Variants in FAM135A observed in about 807,000 individuals in gnomAD.
The protein encoded by FAM135A is family with sequence similarity 135 member A.
In FAM135A, 79 loss-of-function variants were observed where a neutral mutation model predicts 146.8. That is an observed-to-expected ratio of 0.54 (90% CI 0.45 to 0.65). The LOEUF (loss-of-function observed/expected upper bound fraction) is 0.65, where lower values mean the gene tolerates loss of function less well. FAM135A is among the 30% of genes least tolerant of loss of function. The probability of loss-of-function intolerance (pLI) is 0.00; values close to 1 mark genes in which losing one functional copy is unlikely to be tolerated. For missense variants in FAM135A, 1,623 were observed against 1,758.2 expected (o/e 0.92, Z 1.38); for synonymous variants, 562 against 603.6 (o/e 0.93, Z 1.01).
intron 4 of FAM135A, among the ~76,000 whole-genome samples, chr6:70,446,956 T>G (rs914890001): frequency 6.6e-6 from 1 of 152,242 alleles, no homozygotes; most frequent in Admixed American, 6.5e-5. Flanking sequence ...CTCCATAAAT[T>G]TATAGGTACA....
chr6:70,450,716 GTTTTTTTTT>G (rs546674936), intron 4 of FAM135A, among the ~76,000 whole-genome samples: 5 of 28,320 alleles, frequency 1.8e-4, no homozygotes, highest in African/African-American at 9.5e-5. Context: ...CCTTTTAGTT[GTTTTTTTTT>G]TTTTTTTTTT....
chr6:70,555,568 T>A lies in FAM135A; in HGVS notation c.4229-1182T>A, dbSNP rs997247152. 2.7e-5 allele frequency among the ~76,000 whole-genome samples: 4 copies of A among 150,942 alleles called. No homozygotes were observed. In the East Asian group the frequency reaches 7.8e-4, roughly 30 times the overall value. Reference sequence around the variant, plus strand: ...TCGCCCAGCCTGGAAATCAGTTTTCTTAAAGCTATACACACCTATCTACAC... The same window carrying A: ...TCGCCCAGCCTGGAAATCAGTTTTCATAAAGCTATACACACCTATCTACAC... On this transcript the variant is annotated intron_variant, in intron 20 of 21. Coordinates refer to ENST00000418814, the MANE Select transcript of FAM135A (RefSeq NM_001162529.3).
chr6:70,557,641 C>G (rs1801109853), intron 21 of FAM135A: 1 of 137,844 alleles, frequency 7.3e-6, no homozygotes, highest in Non-Finnish European at 1.5e-5. Flanking sequence ...TTGCAGTGAG[C>G]CAAGATCATG....
chr6:70,535,593 T>TC (rs1055324671), intron 18 of FAM135A, among the ~76,000 whole-genome samples: 26 of 152,216 alleles, frequency 1.7e-4, no homozygotes, highest in African/African-American at 5.5e-4. Flanking sequence ...CCCAAAAGCA[T>TC]CCCCACAACT....
At chr6:70,422,261 T>G (rs571038380) in intron 2 of FAM135A, among the ~76,000 whole-genome samples, 11 of 152,348 alleles carry the variant, frequency 7.2e-5, no homozygotes, top group Middle Eastern at 3.4e-3. Context: ...AAGTAGCCAT[T>G]GCTCCCTATA....
intron 20 of FAM135A, among the ~76,000 whole-genome samples, chr6:70,539,372 A>G (rs894701079): frequency 5.3e-5 from 8 of 152,166 alleles, no homozygotes; most frequent in Non-Finnish European, 1.2e-4. Context: ...ACTACTTAAC[A>G]ATACCATTGT....
intron 12 of FAM135A, among the ~76,000 whole-genome samples, chr6:70,516,702 T>G (rs1792339308): frequency 6.6e-6 from 1 of 151,722 alleles, no homozygotes; most frequent in Admixed American, 6.6e-5. Context: ...GCCTGGCTAA[T>G]TTTTTTGTAT....
chr6:70,525,304 T>A lies in FAM135A; in HGVS notation c.2220T>A (p.Ser740=). Residue 740 remains serine (S), a synonymous_variant, in exon 15 of 22, where the codon TCT becomes TCA. Transcript: ENST00000418814. The part of the protein sequence containing the change: ...TKLRSNLPAP[S]TKEYHVVVSG... ...TACGAAGTAATCTACCTGCCCCTTC[T>A]ACAAAAGAATATCATGTTGTAGTAA... The A allele has an allele frequency of 6.2e-7, 1 of 1,609,298 alleles. No individual in the cohort carries two copies. The highest frequency in any genetic ancestry group is 8.5e-7 in the Non-Finnish European group (1 of 1,177,992).
At chr6:70,466,950 G>A (rs1197674663) in intron 5 of FAM135A, among the ~76,000 whole-genome samples, 1 of 152,184 alleles carries the variant, frequency 6.6e-6, no homozygotes, top group African/African-American at 2.4e-5. Context: ...AAGAGGATCT[G>A]TTTGGGATCT....
chr6:70,462,095 T>C (rs1404192579), intron 5 of FAM135A, among the ~76,000 whole-genome samples: 5 of 152,222 alleles, frequency 3.3e-5, no homozygotes, highest in African/African-American at 9.6e-5. Context: ...AAGCCATTTA[T>C]ATGTAATTTC....
chr6:70,526,210 T>C lies in FAM135A; in HGVS notation c.3126T>C (p.Tyr1042=), dbSNP rs1794659231. The C allele has an allele frequency of 6.2e-7, 1 of 1,613,396 alleles. No homozygotes were observed. The highest frequency in any genetic ancestry group is 8.5e-7 in the Non-Finnish European group (1 of 1,179,588). The change falls in exon 15 of 22, where the codon TAT becomes TAC. Residue 1042 remains tyrosine, a synonymous_variant. Transcript: ENST00000418814. The part of the protein sequence containing the change: ...DIVKQGLVEN[Y]FGSQSSTDIS... Reference sequence around the variant, plus strand: ...TAAAGCAAGGGCTTGTGGAAAATTATTTTGGTTCTCAAAGCAGTACGGATA... The same window carrying C: ...TAAAGCAAGGGCTTGTGGAAAATTACTTTGGTTCTCAAAGCAGTACGGATA...
At chr6:70,539,218 C>T (rs958967466) in intron 20 of FAM135A, among the ~76,000 whole-genome samples, 10 of 152,070 alleles carry the variant, frequency 6.6e-5, no homozygotes, top group East Asian at 1.9e-4. Context: ...AAAGTGGAGA[C>T]GTAACTGAAA....
Position 70,524,468 on chromosome 6 carries a change from G to T in FAM135A, c.1384G>T (p.Ala462Ser). Residue 462 changes from alanine (A) to serine (S), a missense_variant, in exon 15 of 22, where the codon GCT becomes TCT. This residue lies in a region of FAM135A where 1,061 missense variants were observed against 1,113.8 expected (regional missense o/e 0.95). Transcript: ENST00000418814. ...TAGCCCAGAGTTGAAAGTCAGACCT[G>T]CTGGTGCCTCCAGTATTTGGTATAC... ...LSSPELKVRP[A>S]GASSIWYTEG... The T allele has an allele frequency of 1.3e-6, 2 of 1,551,100 alleles. No homozygotes were observed. Among genetic ancestry groups the T allele is most frequent in the Non-Finnish European group, 1.7e-6 (2 of 1,146,734 alleles).
rs763832662 is a variant in FAM135A at position 70,526,487 on chromosome 6, A to G, written c.3403A>G (p.Ser1135Gly). ...ACTTACAAAATCTGAAAAAATAAAC[A>G]GTGACTATCTGAGAGATGGTATAAA... ...ERLTKSEKIN[S>G]DYLRDGINMP... is the part of the protein sequence containing the mutation. The change falls in exon 15 of 22, where the codon AGT becomes GGT. Residue 1135 changes from serine (S) to glycine (G), a missense_variant. Coordinates refer to ENST00000418814, the MANE Select transcript of FAM135A (RefSeq NM_001162529.3). 6.2e-7 allele frequency: 1 copy of G among 1,613,566 alleles called. No homozygotes were observed. The highest frequency in any genetic ancestry group is 2.2e-5 in the East Asian group (1 of 44,860).
At chr6:70,547,348 T>C (rs1297479183) in intron 20 of FAM135A, among the ~76,000 whole-genome samples, 2 of 152,220 alleles carry the variant, frequency 1.3e-5, no homozygotes, top group Non-Finnish European at 2.9e-5. Flanking sequence ...TTATTTAAAA[T>C]GAGTAAAAAT....
chr6:70,545,597 C>G (rs1582880222), intron 20 of FAM135A, among the ~76,000 whole-genome samples: 2 of 152,136 alleles, frequency 1.3e-5, no homozygotes, highest in Admixed American at 1.3e-4. Context: ...GCCTGGGCAA[C>G]AGAGCAAGAC....
At chr6:70,489,373 G>T (rs1785391015) in intron 10 of FAM135A, among the ~76,000 whole-genome samples, 1 of 150,780 alleles carries the variant, frequency 6.6e-6, no homozygotes, top group Non-Finnish European at 1.5e-5. Context: ...CTATTTTTTG[G>T]TATATATCAA....
At chr6:70,457,998 T>G (rs1778696057) in intron 5 of FAM135A, among the ~76,000 whole-genome samples, 1 of 152,130 alleles carries the variant, frequency 6.6e-6, no homozygotes, top group East Asian at 1.9e-4. Context: ...ACTAGTATAT[T>G]TAAAGGAAAT....
At chr6:70,490,579 C>T (rs1236304390) in intron 10 of FAM135A, among the ~76,000 whole-genome samples, 1 of 151,860 alleles carries the variant, frequency 6.6e-6, no homozygotes, top group Non-Finnish European at 1.5e-5. Flanking sequence ...AGCCTACACA[C>T]CAGGTATGTT....
Sources: allele counts gnomAD v4.1 joint callset (sites outside exome capture counted in the v4.1 genomes callset), GRCh38; gene constraint gnomAD v4.1.1; regional missense constraint gnomAD v4.1.1; transcripts MANE v1.5; gene names NCBI Gene and HGNC (gene_info 2026-07-23, HGNC 2026-07-21).